The following CNTN4 variants were observed in gnomAD, a reference collection of about 807,000 sequenced individuals.
CNTN4 encodes contactin-4.
Under a neutral mutation model 122.5 loss-of-function variants are expected in CNTN4, and 77 were observed. The observed-to-expected ratio is 0.63, with a 90% confidence interval of 0.52 to 0.76. The LOEUF (loss-of-function observed/expected upper bound fraction) is 0.76. Among genes scored for constraint, CNTN4 ranks in the 30% least tolerant of loss-of-function variants. The probability of loss-of-function intolerance (pLI) is 0.00; values close to 1 mark genes in which losing one functional copy is unlikely to be tolerated. For missense variants in CNTN4, 1,256 were observed against 1,259.1 expected, an observed-to-expected ratio of 1.00 and a Z score of 0.04; for synonymous variants, 512 against 447.0, an observed-to-expected ratio of 1.15 and a Z score of -1.83.
At chr3:2,413,393 C>T (rs1022131842) in intron 3 of CNTN4, among the ~76,000 whole-genome samples, 9 of 152,064 alleles carry the variant, frequency 5.9e-5, no homozygotes, top group African/African-American at 2.2e-4. Context: ...AGCATTAAGC[C>T]TCTTGATATT....
intron 3 of CNTN4, among the ~76,000 whole-genome samples, chr3:2,388,909 G>T (rs1309962317): frequency 1.4e-5 from 2 of 147,134 alleles, no homozygotes; most frequent in African/African-American, 4.9e-5. Flanking sequence ...TGTAATCCCA[G>T]CACTTTGGGA....
chr3:2,933,548 T>G (rs1025906429), intron 13 of CNTN4, among the ~76,000 whole-genome samples: 2 of 152,180 alleles, frequency 1.3e-5, no homozygotes, highest in African/African-American at 4.8e-5. Flanking sequence ...CTTAACTTTT[T>G]CTTTGGCATA....
chr3:2,433,752 C>T (rs112045217), intron 3 of CNTN4, among the ~76,000 whole-genome samples: 2,588 of 152,134 alleles, frequency 0.017, 35 homozygotes, highest in Middle Eastern at 0.027. Context: ...TTGTAGTTTT[C>T]GGTGTTATAT....
intron 14 of CNTN4, among the ~76,000 whole-genome samples, chr3:3,016,727 A>C (rs9854410): frequency 0.15 from 23,476 of 151,986 alleles, 2,330 homozygotes; most frequent in African/African-American, 0.29. Context: ...CACCTGACTG[A>C]TTGTTTCCCA....
intron 2 of CNTN4, among the ~76,000 whole-genome samples, chr3:2,210,269 T>G (rs2149435611): frequency 6.6e-6 from 1 of 152,242 alleles, no homozygotes; most frequent in South Asian, 2.1e-4. Flanking sequence ...ACATGGAAAA[T>G]ACATAAAAGT....
intron 3 of CNTN4, among the ~76,000 whole-genome samples, chr3:2,565,918 G>A (rs2079139057): frequency 6.6e-6 from 1 of 152,182 alleles, no homozygotes. Context: ...CAGAATGGTA[G>A]CACTCTAAAT....
At chr3:2,438,667 A>G (rs2048333920) in intron 3 of CNTN4, among the ~76,000 whole-genome samples, 1 of 152,226 alleles carries the variant, frequency 6.6e-6, no homozygotes, top group African/African-American at 2.4e-5. Flanking sequence ...GCAGAAAGTC[A>G]TGACTCAGTA....
intron 4 of CNTN4, among the ~76,000 whole-genome samples, chr3:2,580,832 G>T (rs2079901594): frequency 6.6e-6 from 1 of 152,152 alleles, no homozygotes; most frequent in Non-Finnish European, 1.5e-5. Context: ...ACAACCCTCT[G>T]GGAGAGGTAT....
At chr3:2,382,884 G>A (rs1353596849) in intron 3 of CNTN4, among the ~76,000 whole-genome samples, 2 of 152,064 alleles carry the variant, frequency 1.3e-5, no homozygotes, top group Non-Finnish European at 2.9e-5. Context: ...GACCAGCCTG[G>A]CCAACATGGT....
chr3:2,729,314 T>C (rs6800921), intron 4 of CNTN4, among the ~76,000 whole-genome samples: 12,411 of 151,368 alleles, frequency 0.082, 1,679 homozygotes, highest in African/African-American at 0.28. Flanking sequence ...CCTGTAATCC[T>C]AGCACTTTGG....
At chr3:2,994,824 T>C (rs1695385018) in intron 14 of CNTN4, among the ~76,000 whole-genome samples, 1 of 152,160 alleles carries the variant, frequency 6.6e-6, no homozygotes, top group Non-Finnish European at 1.5e-5. Flanking sequence ...TATGTAAAAC[T>C]GTTCAAGGCT....
intron 9 of CNTN4, among the ~76,000 whole-genome samples, chr3:2,886,267 G>A (rs2093976399): frequency 6.6e-6 from 1 of 151,522 alleles, no homozygotes; most frequent in African/African-American, 2.4e-5. Flanking sequence ...CATGGTGGCG[G>A]GCGCCTGTAG....
At chr3:2,103,427 C>T (rs922932713) in intron 2 of CNTN4, among the ~76,000 whole-genome samples, 5 of 152,200 alleles carry the variant, frequency 3.3e-5, no homozygotes, top group Non-Finnish European at 5.9e-5. Flanking sequence ...TTCACCACTA[C>T]AACTGCTCTT....
At chr3:2,765,446 T>C (rs530308930) in intron 6 of CNTN4, among the ~76,000 whole-genome samples, 12 of 152,338 alleles carry the variant, frequency 7.9e-5, no homozygotes, top group Non-Finnish European at 1.6e-4. Flanking sequence ...ATAGTTATTT[T>C]AAGAATTAGA....
intron 2 of CNTN4, among the ~76,000 whole-genome samples, chr3:2,224,472 A>G (rs1337797734): frequency 6.6e-6 from 1 of 152,172 alleles, no homozygotes; most frequent in African/African-American, 2.4e-5. Flanking sequence ...CTTGCACATG[A>G]GTTCCTCCAA....
chr3:2,256,103 G>GATAAAAAATGATAAA (rs758102804), intron 2 of CNTN4, among the ~76,000 whole-genome samples: 1 of 152,140 alleles, frequency 6.6e-6, no homozygotes, highest in Non-Finnish European at 1.5e-5. Context: ...AAATGATAAA[G>GATAAAAAATGATAAA]GGGATATCAC....
chr3:2,367,081 C>G (rs957660151), intron 3 of CNTN4, among the ~76,000 whole-genome samples: 1 of 151,998 alleles, frequency 6.6e-6, no homozygotes, highest in Non-Finnish European at 1.5e-5. Flanking sequence ...GCAGTTCTCT[C>G]TCTGTGGTGT....
Position 2,835,094 on chromosome 3 carries a change from G to A in CNTN4, c.454+15513G>A, listed in dbSNP as rs560155473. On this transcript the variant is annotated intron_variant, in intron 7 of 24. Coordinates refer to ENST00000418658, the MANE Select transcript of CNTN4 (RefSeq NM_175607.3). Reference sequence around the variant, plus strand: ...TCATTTTTTTGTATTTTTAGTAGAGGCGGGGTTTCACCGTGTTAGCCAGGA... The same window carrying A: ...TCATTTTTTTGTATTTTTAGTAGAGACGGGGTTTCACCGTGTTAGCCAGGA... Among the ~76,000 whole-genome samples the A allele has an allele frequency of 1.5e-3, 229 of 150,862 alleles. 1 individual carries two copies. Among genetic ancestry groups the A allele is most frequent in the African/African-American group, 5.2e-3 (216 of 41,168 alleles).
chr3:2,269,922 A>G (rs1029936401), intron 2 of CNTN4, among the ~76,000 whole-genome samples: 3,307 of 11,970 alleles, frequency 0.28, 641 homozygotes, highest in African/African-American at 0.35. Context: ...TTGTTTATTT[A>G]TTTATTTATT....
Sources: gnomAD v4.1 joint callset for allele counts (sites outside exome capture counted in the v4.1 genomes callset) on GRCh38, gnomAD v4.1.1 for gene constraint, MANE v1.5 for transcripts, NCBI Gene and HGNC (gene_info 2026-07-23, HGNC 2026-07-21) for gene names.